NCKAP5: variants seen among roughly 807,000 people sequenced by gnomAD.
NCKAP5 encodes the protein nck-associated protein 5.
A neutral mutation model predicts 167.0 loss-of-function variants in NCKAP5; 92 were observed. That is an observed-to-expected ratio of 0.55 (90% CI 0.47 to 0.66). The LOEUF is 0.66. Ranked by LOEUF, NCKAP5 falls within the 30% of genes least tolerant of loss-of-function variation. The probability of loss-of-function intolerance (pLI) is 0.00; values close to 1 mark genes in which losing one functional copy is unlikely to be tolerated. For missense variants in NCKAP5, 2,378 were observed against 2,315.0 expected (o/e 1.03, Z -0.56); for synonymous variants, 891 against 877.4 (o/e 1.02, Z -0.27).
At chr2:133,659,563 C>T in the NCKAP5 span, among the ~76,000 whole-genome samples, 15 of 152,138 alleles carry the variant, frequency 9.9e-5, no homozygotes, top group Middle Eastern at 3.4e-3. Context: ...AAAAGACAAG[C>T]TATAGAATGG....
In NCKAP5 at chr2:133,010,864, A is replaced by G. The variant is rs143434466; in HGVS notation, c.342-16625T>C. ...GTGTCCATTTATTCTTAAATTGTCA[A>G]TGGTACAAAAAAGAAAAAAGCAAGG... On this transcript the variant is annotated intron_variant, in intron 6 of 19. Coordinates refer to ENST00000409261, the MANE Select transcript of NCKAP5 (RefSeq NM_207363.3). 3.6e-3 allele frequency among the ~76,000 whole-genome samples: 542 copies of G among 152,332 alleles called. 4 individuals carry two copies. Among genetic ancestry groups the G allele is most frequent in the Middle Eastern group, 0.017 (5 of 294 alleles).
chr2:133,427,933 C>T (rs927210663), intron 3 of NCKAP5, among the ~76,000 whole-genome samples: 2 of 151,752 alleles, frequency 1.3e-5, no homozygotes, highest in Non-Finnish European at 2.9e-5. Flanking sequence ...CAAAGAAGAC[C>T]TATATGAGGA....
At chr2:132,921,209 C>A (rs1355709556) in intron 8 of NCKAP5, among the ~76,000 whole-genome samples, 1 of 152,020 alleles carries the variant, frequency 6.6e-6, no homozygotes, top group Non-Finnish European at 1.5e-5. Context: ...AAACTGAACC[C>A]TTTATCTCTC....
At chr2:133,282,840 T>C (rs943982011) in intron 4 of NCKAP5, among the ~76,000 whole-genome samples, 2 of 152,206 alleles carry the variant, frequency 1.3e-5, no homozygotes, top group Non-Finnish European at 1.5e-5. Context: ...GGTAGACTAA[T>C]GACATGGTTC....
At chr2:133,314,383 C>T (rs1329385634) in intron 3 of NCKAP5, among the ~76,000 whole-genome samples, 1 of 152,134 alleles carries the variant, frequency 6.6e-6, no homozygotes, top group Admixed American at 6.5e-5. Context: ...CTAGTTAAAA[C>T]ACAGATTACT....
chr2:133,365,532 C>CACACAT (rs201669510), intron 3 of NCKAP5, among the ~76,000 whole-genome samples: 286 of 152,092 alleles, frequency 1.9e-3, no homozygotes, highest in African/African-American at 5.9e-3. Context: ...CCTACACACA[C>CACACAT]ACACACACAC....
chr2:132,770,422 T>C (rs1358428555), intron 16 of NCKAP5, among the ~76,000 whole-genome samples: 3 of 148,054 alleles, frequency 2.0e-5, no homozygotes, highest in Non-Finnish European at 4.5e-5. Flanking sequence ...TATAATAATA[T>C]AGTATATATA....
chr2:133,191,793 T>A (rs10201789), intron 5 of NCKAP5, among the ~76,000 whole-genome samples: 43,397 of 151,710 alleles, frequency 0.29, 6,227 homozygotes, highest in South Asian at 0.32. Context: ...CAGGGAGGGA[T>A]AGCATTAGGA....
intron 8 of NCKAP5, among the ~76,000 whole-genome samples, chr2:132,883,504 C>T (rs556310363): frequency 1.3e-5 from 2 of 152,268 alleles, no homozygotes; most frequent in South Asian, 2.1e-4. Flanking sequence ...CCCTTCACAA[C>T]CACGTCTCCA....
the NCKAP5 span, among the ~76,000 whole-genome samples, chr2:133,615,057 T>C: frequency 3.3e-5 from 5 of 150,490 alleles, no homozygotes; most frequent in African/African-American, 1.2e-4. Flanking sequence ...CTAAGCTTCA[T>C]AAGTGAAGGA....
Position 133,330,228 on chromosome 2 carries a change from C to G in NCKAP5, c.70-27118G>C, listed in dbSNP as rs183486813. On this transcript the variant is annotated intron_variant, in intron 3 of 19. Transcript: ENST00000409261. ...TACAGGCATGCACCACCACACCCAG[C>G]TACTTTATTTTTTGTATTTTTTTTT... Among the ~76,000 whole-genome samples the G allele has an allele frequency of 4.9e-3, 694 of 140,834 alleles. 6 individuals carry two copies. The highest frequency in any genetic ancestry group is 0.017 in the African/African-American group (656 of 37,894). 92.4% of individuals were successfully genotyped at this position (140,834 alleles called of 152,430 possible).
At chr2:133,174,232 T>C (rs886996719) in intron 5 of NCKAP5, among the ~76,000 whole-genome samples, 1 of 152,144 alleles carries the variant, frequency 6.6e-6, no homozygotes, top group Non-Finnish European at 1.5e-5. Flanking sequence ...TTTCTCATTA[T>C]TGGAATGAGG....
At chr2:133,142,246 G>C (rs139530474) in intron 5 of NCKAP5, among the ~76,000 whole-genome samples, 84 of 152,150 alleles carry the variant, frequency 5.5e-4, no homozygotes, top group Non-Finnish European at 1.1e-3. Flanking sequence ...CATCACAACA[G>C]ACAATCTCAC....
chr2:133,223,402 C>T (rs950932784), intron 4 of NCKAP5, among the ~76,000 whole-genome samples: 1 of 152,058 alleles, frequency 6.6e-6, no homozygotes, highest in African/African-American at 2.4e-5. Flanking sequence ...ACAGAAGTGC[C>T]CTGGGGAGTC....
At chr2:133,453,356 A>G (rs1234069380) in intron 3 of NCKAP5, among the ~76,000 whole-genome samples, 1 of 152,180 alleles carries the variant, frequency 6.6e-6, no homozygotes, top group Non-Finnish European at 1.5e-5. Context: ...TTTAGACAGA[A>G]CTGCAATAAT....
intron 11 of NCKAP5, among the ~76,000 whole-genome samples, chr2:132,818,418 G>A (rs72847246): frequency 0.18 from 27,314 of 152,256 alleles, 2,776 homozygotes; most frequent in East Asian, 0.28. Context: ...GCTCATGCCT[G>A]TAATTCCAGC....
intron 11 of NCKAP5, among the ~76,000 whole-genome samples, chr2:132,832,216 G>C (rs1411385206): frequency 6.6e-6 from 1 of 151,982 alleles, no homozygotes; most frequent in Non-Finnish European, 1.5e-5. Flanking sequence ...AAATTATTGA[G>C]TCTTCCCATG....
intron 5 of NCKAP5, among the ~76,000 whole-genome samples, chr2:133,138,012 G>A (rs564524893): frequency 4.6e-5 from 7 of 152,222 alleles, no homozygotes; most frequent in African/African-American, 7.2e-5. Flanking sequence ...GGGTAGGCAC[G>A]TAAAAGAAAG....
intron 3 of NCKAP5, among the ~76,000 whole-genome samples, chr2:133,349,724 G>C (rs528948718): frequency 2.6e-5 from 4 of 152,084 alleles, no homozygotes; most frequent in East Asian, 1.9e-4. Flanking sequence ...AAAGAAATAA[G>C]TCCAGAGTAG....
Sources: gnomAD v4.1 joint callset for allele counts (sites outside exome capture counted in the v4.1 genomes callset) on GRCh38, gnomAD v4.1.1 for gene constraint, MANE v1.5 for transcripts, NCBI Gene and HGNC (gene_info 2026-07-23, HGNC 2026-07-21) for gene names.